Variants in EEF2 observed in about 807,000 individuals in gnomAD.
The protein encoded by EEF2 is eukaryotic translation elongation factor 2.
In EEF2, 21 loss-of-function variants were observed where a neutral mutation model predicts 85.3. The observed-to-expected ratio is 0.25, with a 90% CI of 0.17 to 0.35. The LOEUF is 0.35. Ranked by LOEUF, EEF2 falls within the 10% of genes least tolerant of loss-of-function variation. The pLI is 1.00. For synonymous variants in EEF2, 723 were observed against 508.8 expected, an observed-to-expected ratio of 1.42 and a Z score of -5.67; for missense variants, 825 against 1,225.3, an observed-to-expected ratio of 0.67 and a Z score of 4.88.
chr19:3,983,530 G>A (rs149208876), intron 2 of EEF2, among the ~76,000 whole-genome samples: 315 of 152,044 alleles, frequency 2.1e-3, no homozygotes, highest in African/African-American at 7.2e-3. Flanking sequence ...CAGACATCCT[G>A]CCCCACCGAC....
intron 1 of EEF2, chr19:3,985,021 C>T: frequency 3.2e-6 from 1 of 311,944 alleles, no homozygotes; most frequent in Non-Finnish European, 5.9e-6. Flanking sequence ...GAAAATCGAT[C>T]TCAAACTCGC....
chr19:3,983,864 C>T (rs1169107115), intron 2 of EEF2: 1 of 510,052 alleles, frequency 2.0e-6, no homozygotes, highest in Non-Finnish European at 3.6e-6. Context: ...CAAACCTCTC[C>T]AGATATTGTA....
At position 3,976,454 on chromosome 19, in the gene EEF2, C is replaced by T. The variant is rs2145354724; in HGVS notation, c.*100G>A. Reference sequence around the variant, plus strand: ...CCAGAAACCTCTCAGGGGAGCGTCGCTGTGTCGGGACAGTCTCCAGGTGTC... The same window carrying T: ...CCAGAAACCTCTCAGGGGAGCGTCGTTGTGTCGGGACAGTCTCCAGGTGTC... On this transcript the variant is annotated 3_prime_UTR_variant, in exon 15 of 15. Coordinates refer to ENST00000309311, the MANE Select transcript of EEF2 (RefSeq NM_001961.4). The T allele has an allele frequency of 2.2e-6, 3 of 1,392,712 alleles. No individual in the cohort carries two copies. In the South Asian group the frequency reaches 3.9e-5, roughly 18 times the overall value. The allele number at this position is 1,392,712 out of a possible 1,614,324, so 86.3% of individuals were successfully genotyped here.
chr19:3,979,382 G>T lies in EEF2; in HGVS notation c.1660C>A (p.Leu554Met). The stretch of plus-strand genomic sequence containing the variant: ...TCCAGGTCCTTCAGGCAGATCTCCA[G>T]GTGCAGCTCGCCGGCGCCCGCGATG... ...HIIAGAGELH[L>M]EICLKDLEED... The change falls in exon 11 of 15, where the codon CTG (leucine) becomes ATG (methionine). Residue 554 changes from leucine (L) to methionine (M), a missense_variant. Coordinates refer to ENST00000309311, the MANE Select transcript of EEF2 (RefSeq NM_001961.4). 1 of 1,614,052 alleles carries T rather than the reference G, an allele frequency of 6.2e-7. No homozygotes were observed.
chr19:3,982,012 T>C lies in EEF2; in HGVS notation c.832A>G (p.Thr278Ala). The C allele has an allele frequency of 6.2e-7, 1 of 1,614,160 alleles. No individual in the cohort carries two copies. Among genetic ancestry groups the C allele is most frequent in the Non-Finnish European group, 8.5e-7 (1 of 1,180,018 alleles). Residue 278 changes from threonine to alanine, a missense_variant, in exon 6 of 15, where the codon ACC becomes GCC. Coordinates refer to ENST00000309311, the MANE Select transcript of EEF2 (RefSeq NM_001961.4). ...GGCAGCTTCTTCCCTTCGGGGCTGG[T>C]GGCTGACTTGCTGAACTTGCCGTTG... ...PANGKFSKSA[T>A]SPEGKKLPRT...
chr19:3,982,155 G>C (rs567004200), intron 5 of EEF2, 91 bp downstream of exon 5: 2 of 1,598,318 alleles, frequency 1.3e-6, no homozygotes, highest in African/African-American at 2.7e-5. Flanking sequence ...TGGTGGGCTT[G>C]AGCCACGCTG....
chr19:3,985,049 A>G lies in EEF2; in HGVS notation c.3+329T>C, dbSNP rs538440358. Reference sequence around the variant, plus strand: ...AAACTCGCGGCCCGCGGGTTACATAAGGCGCCTCCCTGTCTCCCCGCTTCC... The same window carrying G: ...AAACTCGCGGCCCGCGGGTTACATAGGGCGCCTCCCTGTCTCCCCGCTTCC... On this transcript the variant is annotated intron_variant, in intron 1 of 14. Transcript: ENST00000309311. The G allele has an allele frequency of 4.4e-3, 1,537 of 349,458 alleles. 30 individuals are homozygous for G. The highest frequency in any genetic ancestry group is 0.016 in the Admixed American group (334 of 20,996). The allele number at this position is 349,458 out of a possible 1,614,324, so 21.6% of individuals were successfully genotyped here.
Position 3,985,381 on chromosome 19 carries a change from G to A in EEF2, c.-1C>T, listed in dbSNP as rs777953211. On this transcript the variant is annotated 5_prime_UTR_variant, in exon 1 of 15. Transcript: ENST00000309311. ...CCAGCGAGGCAGGGTTACTCACCAT[G>A]GTGGCGGATGGCGGTGGATTCTCCC... 2.0e-6 allele frequency: 3 copies of A among 1,514,442 alleles called. No individual in the cohort carries two copies. The highest frequency in any genetic ancestry group is 1.3e-5 in the South Asian group (1 of 79,812). The allele number at this position is 1,514,442 out of a possible 1,614,324, so 93.8% of individuals were successfully genotyped here.
Position 3,977,416 on chromosome 19 carries a change from G to A in EEF2, c.2250+12C>T, listed in dbSNP as rs771481480. ...ACGGTGGCAGGGTCAGCGGTGGGCG[G>A]GTAGACCTCACCTGGATCTCCACAA... On this transcript the variant is annotated intron_variant, in intron 13 of 14. Coordinates refer to ENST00000309311, the MANE Select transcript of EEF2 (RefSeq NM_001961.4). The surrounding 1 kb of genome is among the most constrained non-coding windows in gnomAD (Gnocchi z 5.4). 2 of 1,584,386 alleles carry A rather than the reference G, an allele frequency of 1.3e-6. No homozygotes were observed. Among genetic ancestry groups the A allele is most frequent in the South Asian group, 1.1e-5 (1 of 87,590 alleles).
At chr19:3,980,138 C>T (rs1392810071) in intron 9 of EEF2, 72 bp from the exon 10 acceptor site, 4 of 1,546,424 alleles carry the variant, frequency 2.6e-6, no homozygotes, top group Non-Finnish European at 3.5e-6. Flanking sequence ...AGGGCAGGTC[C>T]CTCCCGGAGT....
At chr19:3,982,633 C>G (rs2039768563) in intron 4 of EEF2, 174 bp downstream of exon 4, 1 of 1,078,600 alleles carries the variant, frequency 9.3e-7, no homozygotes, top group African/African-American at 1.6e-5. Context: ...CTTCCAGCTG[C>G]CCAAAGATCA....
intron 6 of EEF2, 150 bp downstream of exon 6, chr19:3,981,797 T>A: frequency 1.4e-6 from 1 of 737,084 alleles, no homozygotes; most frequent in South Asian, 1.7e-5. Flanking sequence ...GAGCCCTGAC[T>A]CCACCTCAGT....
In EEF2 at chr19:3,977,107, C is replaced by A; in HGVS notation, c.2383+108G>T. On this transcript the variant is annotated intron_variant, in intron 14 of 14. Transcript: ENST00000309311. The surrounding 1 kb of genome is among the most constrained non-coding windows in gnomAD (Gnocchi z 5.4). ...ACTGGACCACCTGCTCCATCCATCA[C>A]CTGCTCCCATCAGGACGCCTCCTTT... 1.4e-6 allele frequency: 2 copies of A among 1,479,320 alleles called. No homozygotes were observed. The highest frequency in any genetic ancestry group is 1.8e-6 in the Non-Finnish European group (2 of 1,100,328). 91.6% of individuals were successfully genotyped at this position (1,479,320 alleles called of 1,614,324 possible).
intron 11 of EEF2, among the ~76,000 whole-genome samples, chr19:3,978,402 G>T (rs932628570): frequency 1.3e-5 from 2 of 152,158 alleles, no homozygotes; most frequent in Non-Finnish European, 2.9e-5. Context: ...ACGGGCTTGT[G>T]GAATTTTAAG....
Position 3,977,177 on chromosome 19 carries a change from C to T in EEF2, c.2383+38G>A. 1 of 1,601,706 alleles carries T rather than the reference C, an allele frequency of 6.2e-7. No individual in the cohort carries two copies. Among genetic ancestry groups the T allele is most frequent in the Non-Finnish European group, 8.5e-7 (1 of 1,172,336 alleles). ...CTGGGCTTCTGTCCCCCAAACCAGC[C>T]TGCCAGGCTCTGCAGGCCACACCGG... On this transcript the variant is annotated intron_variant, in intron 14 of 14. Transcript: ENST00000309311. This position sits in a 1 kb window ranked among gnomAD's most constrained non-coding sequence, Gnocchi z 5.4.
Position 3,980,609 on chromosome 19 carries a change from G to C in EEF2, c.1251C>G (p.Phe417Leu), listed in dbSNP as rs777339030. 1.2e-6 allele frequency: 2 copies of C among 1,614,236 alleles called. No individual in the cohort carries two copies. The change falls in exon 9 of 15, where the codon TTC (phenylalanine) becomes TTG (leucine). Residue 417 changes from phenylalanine to leucine, a missense_variant. By Grantham distance (22) the Phe-to-Leu change is conservative. Transcript: ENST00000309311. ...KGRFYAFGRVFSGLVSTGLKV... is the reference protein window; with the variant it reads ...KGRFYAFGRVLSGLVSTGLKV... The stretch of plus-strand genomic sequence containing the variant: ...TCAGGCCAGTGGAGACCAGCCCCGA[G>C]AAGACTCGTCCAAAGGCGTAGAACC...
intron 4 of EEF2, 88 bp from the exon 5 acceptor site, chr19:3,982,512 G>A (rs1161489012): frequency 3.3e-6 from 5 of 1,517,566 alleles, no homozygotes; most frequent in African/African-American, 2.7e-5. Context: ...ATGGGCCTCA[G>A]ACGCAGGCTT....
In EEF2 at chr19:3,983,105, C is replaced by T; in HGVS notation, c.400+5G>A. 1 of 1,613,530 alleles carries T rather than the reference C, an allele frequency of 6.2e-7. No individual in the cohort carries two copies. The highest frequency in any genetic ancestry group is 1.1e-5 in the South Asian group (1 of 91,070). Reference sequence around the variant, plus strand: ...GGCCGTGCCTCAGGGGGACCCACTGCTTACCTGACACGCAGTCCACCACCA... The same window carrying T: ...GGCCGTGCCTCAGGGGGACCCACTGTTTACCTGACACGCAGTCCACCACCA... On this transcript the variant is annotated splice_donor_5th_base_variant and intron_variant, in intron 3 of 14. Coordinates refer to ENST00000309311, the MANE Select transcript of EEF2 (RefSeq NM_001961.4).
At position 3,983,117 on chromosome 19, in the gene EEF2, G is replaced by A. The variant is rs138363558; in HGVS notation, c.393C>T (p.Cys131=). 51 of 1,613,700 alleles carry A rather than the reference G, an allele frequency of 3.2e-5. No homozygotes were observed. The highest frequency in any genetic ancestry group is 4.0e-5 in the African/African-American group (3 of 74,888). The change falls in exon 3 of 15, where the codon TGC becomes TGT. Residue 131 remains cysteine, a synonymous_variant. Transcript: ENST00000309311. ...GGGGGACCCACTGCTTACCTGACAC[G>A]CAGTCCACCACCACCAATGCGCCAT... The part of the protein sequence containing the change: ...VTDGALVVVD[C]VSGVCVQTET...
Sources: gnomAD v4.1 joint callset for allele counts (sites outside exome capture counted in the v4.1 genomes callset) on GRCh38, gnomAD v4.1.1 for gene constraint, Gnocchi (gnomAD v3.1) non-coding constraint, MANE v1.5 for transcripts, NCBI Gene and HGNC (gene_info 2026-07-23, HGNC 2026-07-21) for gene names.